FMN1: variants seen among roughly 807,000 people sequenced by gnomAD.
FMN1 encodes the protein formin-1.
Under a neutral mutation model 132.4 loss-of-function variants are expected in FMN1, and 110 were observed. That is an observed-to-expected ratio of 0.83 (90% CI 0.71 to 0.97). The LOEUF is 0.97. FMN1 is among the 50% of genes least tolerant of loss of function. The pLI, the probability that FMN1 is intolerant of heterozygous loss-of-function variation, is 0.00. For synonymous variants in FMN1, 722 were observed against 651.7 expected (o/e 1.11, Z -1.64); for missense variants, 1,792 against 1,705.3 (o/e 1.05, Z -0.90).
intron 6 of FMN1, among the ~76,000 whole-genome samples, chr15:33,042,820 G>T (rs939435044): frequency 6.6e-6 from 1 of 151,216 alleles, no homozygotes; most frequent in Non-Finnish European, 1.5e-5. Flanking sequence ...GCACAAAAGG[G>T]AATTAATTTG....
chr15:32,893,181 T>C (rs1054517196), intron 15 of FMN1, among the ~76,000 whole-genome samples: 7 of 152,218 alleles, frequency 4.6e-5, no homozygotes, highest in African/African-American at 1.2e-4. Context: ...TGTACTTTTT[T>C]CCCCCATCTT....
chr15:32,775,994 A>G (rs1173730837), intron 20 of FMN1, among the ~76,000 whole-genome samples: 2 of 152,218 alleles, frequency 1.3e-5, no homozygotes, highest in African/African-American at 4.8e-5. Flanking sequence ...ATTCACAGCA[A>G]CAAGGAAAAC....
intron 4 of FMN1, among the ~76,000 whole-genome samples, chr15:33,114,434 G>C (rs2039833443): frequency 6.6e-6 from 1 of 152,222 alleles, no homozygotes; most frequent in South Asian, 2.1e-4. Context: ...CAAAGAATCT[G>C]CATAAGTGTT....
chr15:32,892,598 T>C (rs2060058791), intron 15 of FMN1, among the ~76,000 whole-genome samples: 1 of 152,232 alleles, frequency 6.6e-6, no homozygotes. Context: ...GGCTTCCCTC[T>C]TTCTCTATCT....
chr15:33,117,656 A>G (rs1185995977), intron 4 of FMN1, among the ~76,000 whole-genome samples: 2 of 151,708 alleles, frequency 1.3e-5, no homozygotes, highest in African/African-American at 2.4e-5. Flanking sequence ...AGTGATTCCA[A>G]TAAATAAACA....
At position 33,091,929 on chromosome 15, in the gene FMN1, C is replaced by A. The variant is rs16964833; in HGVS notation, c.1868-2955G>T. On this transcript the variant is annotated intron_variant, in intron 4 of 20. Transcript: ENST00000616417. ...TCTTTAGAGAATATTTTGTGAAAAA[C>A]TGAATCAGTCTTATCAGTTTAAACA... 1.9e-4 allele frequency among the ~76,000 whole-genome samples: 29 copies of A among 152,220 alleles called. No individual in the cohort carries two copies. In the South Asian group the frequency reaches 6.0e-3, roughly 32 times the overall value.
At chr15:32,946,950 A>T (rs914511811) in intron 9 of FMN1, among the ~76,000 whole-genome samples, 19 of 152,128 alleles carry the variant, frequency 1.2e-4, no homozygotes, top group African/African-American at 4.3e-4. Flanking sequence ...TTGGATAACA[A>T]TTCTTATTGA....
At chr15:33,120,437 C>T (rs1229550828) in intron 4 of FMN1, among the ~76,000 whole-genome samples, 3 of 152,048 alleles carry the variant, frequency 2.0e-5, no homozygotes, top group African/African-American at 7.2e-5. Flanking sequence ...TCCTACACAC[C>T]GGCAGGGAAG....
intron 12 of FMN1, among the ~76,000 whole-genome samples, chr15:32,906,838 G>C (rs1398788102): frequency 6.6e-6 from 1 of 152,184 alleles, no homozygotes; most frequent in Non-Finnish European, 1.5e-5. Context: ...CACTTGACTT[G>C]ATTCACAATA....
intron 9 of FMN1, among the ~76,000 whole-genome samples, chr15:32,927,731 T>C (rs2060997895): frequency 6.6e-6 from 1 of 152,060 alleles, no homozygotes; most frequent in Non-Finnish European, 1.5e-5. Context: ...ATCACGAAGC[T>C]GCCACTAAGG....
At chr15:32,858,320 T>C (rs2059183395) in intron 16 of FMN1, among the ~76,000 whole-genome samples, 1 of 152,226 alleles carries the variant, frequency 6.6e-6, no homozygotes, top group African/African-American at 2.4e-5. Context: ...TCTCTGAAAT[T>C]AGTTATCTGA....
chr15:33,147,771 G>C (rs569072426), intron 4 of FMN1, among the ~76,000 whole-genome samples: 1 of 152,212 alleles, frequency 6.6e-6, no homozygotes, highest in East Asian at 1.9e-4. Flanking sequence ...TTGTTCATTA[G>C]TAGAACATTT....
intron 4 of FMN1, among the ~76,000 whole-genome samples, chr15:33,114,296 A>G (rs538904705): frequency 2.0e-5 from 3 of 152,356 alleles, no homozygotes; most frequent in South Asian, 2.1e-4. Flanking sequence ...TCAGGACTCT[A>G]AAGTATAGCA....
intron 7 of FMN1, among the ~76,000 whole-genome samples, chr15:33,004,333 A>T (rs1215647133): frequency 2.0e-5 from 3 of 152,236 alleles, no homozygotes; most frequent in African/African-American, 4.8e-5. Flanking sequence ...CAGTGAACTC[A>T]AACAAATTTA....
intron 16 of FMN1, among the ~76,000 whole-genome samples, chr15:32,887,245 C>T (rs1003491137): frequency 1.3e-5 from 2 of 152,128 alleles, no homozygotes. Context: ...TTAAAATATT[C>T]CTGGTTGAAG....
At chr15:32,834,080 C>T (rs2058567822) in intron 17 of FMN1, among the ~76,000 whole-genome samples, 1 of 152,202 alleles carries the variant, frequency 6.6e-6, no homozygotes, top group African/African-American at 2.4e-5. Flanking sequence ...CTTTCACCAA[C>T]TCAGGTTAGT....
At chr15:32,993,628 GAATT>G (rs574923876) in intron 7 of FMN1, among the ~76,000 whole-genome samples, 86 of 152,288 alleles carry the variant, frequency 5.6e-4, no homozygotes, top group Non-Finnish European at 1.0e-3. Context: ...ATTCATTCAA[GAATT>G]ATTTATTGTA....
chr15:33,088,976 TA>T lies in FMN1; in HGVS notation c.1868-3del, dbSNP rs1370925588. 9 of 1,529,362 alleles carry T rather than the reference TA, an allele frequency of 5.9e-6. No homozygotes were observed. The highest frequency in any genetic ancestry group is 1.4e-5 in the African/African-American group (1 of 72,684). 94.7% of individuals were successfully genotyped at this position (1,529,362 alleles called of 1,614,324 possible). On this transcript the variant is annotated splice_polypyrimidine_tract_variant and splice_region_variant and intron_variant, in intron 4 of 20. Coordinates refer to ENST00000616417, the MANE Select transcript of FMN1 (RefSeq NM_001277313.2). ...AGGGAAAGCCCTCAGAGGAGATACCTAAACAAACACAGAGAAGGCCATCAGT... is the reference window on the plus strand; with the variant it reads ...AGGGAAAGCCCTCAGAGGAGATACCTAACAAACACAGAGAAGGCCATCAGT...
intron 6 of FMN1, among the ~76,000 whole-genome samples, chr15:33,019,017 C>T (rs2035255351): frequency 6.6e-6 from 1 of 152,218 alleles, no homozygotes; most frequent in Admixed American, 6.5e-5. Flanking sequence ...AAGAACAAAG[C>T]TTCCACCATG....
Sources: gnomAD v4.1 joint callset for allele counts (sites outside exome capture counted in the v4.1 genomes callset) on GRCh38, gnomAD v4.1.1 for gene constraint, MANE v1.5 for transcripts, NCBI Gene and HGNC (gene_info 2026-07-23, HGNC 2026-07-21) for gene names.